The following UTP4 variants were observed in gnomAD, a reference collection of about 807,000 sequenced individuals.
UTP4 encodes the protein UTP4 small subunit processome component.
In UTP4, 45 loss-of-function variants were observed where a neutral mutation model predicts 82.4. That is an observed-to-expected ratio of 0.55 (90% CI 0.43 to 0.70). The LOEUF (loss-of-function observed/expected upper bound fraction) is 0.70, where lower values mean the gene tolerates loss of function less well. Ranked by LOEUF, UTP4 falls within the 30% of genes least tolerant of loss-of-function variation. UTP4 has a pLI of 0.00. For synonymous variants in UTP4, 348 were observed against 300.3 expected, an observed-to-expected ratio of 1.16 and a Z score of -1.64; for missense variants, 819 against 858.3, an observed-to-expected ratio of 0.95 and a Z score of 0.57.
chr16:69,156,031 A>C, intron 11 of UTP4, 38 bp downstream of exon 11: 2 of 1,607,906 alleles, frequency 1.2e-6, no homozygotes, highest in Non-Finnish European at 1.7e-6. Flanking sequence ...ATAAGAGGAA[A>C]CTTCCTAAAT....
intron 12 of UTP4, among the ~76,000 whole-genome samples, chr16:69,159,470 A>G (rs957369767): frequency 3.3e-5 from 5 of 152,158 alleles, no homozygotes; most frequent in African/African-American, 9.6e-5. Flanking sequence ...TGGGCAGATC[A>G]TAAGGTCAAG....
chr16:69,168,426 A>ACGCT (rs71268476), intron 16 of UTP4, among the ~76,000 whole-genome samples: 5 of 131,338 alleles, frequency 3.8e-5, no homozygotes, highest in African/African-American at 1.5e-4. Context: ...GCAGAGCGAG[A>ACGCT]CTGTCTCAAA....
chr16:69,149,174 G>C lies in UTP4; in HGVS notation c.739-1363G>C, dbSNP rs190371352. On this transcript the variant is annotated intron_variant, in intron 6 of 16. Transcript: ENST00000314423. ...GGAGGGTATATCCCCTAGGTCAGGAGTTTGAGACCAGCCTGGACAACATGG... is the reference window on the plus strand; with the variant it reads ...GGAGGGTATATCCCCTAGGTCAGGACTTTGAGACCAGCCTGGACAACATGG... Among the ~76,000 whole-genome samples the C allele has an allele frequency of 8.1e-3, 1,232 of 152,112 alleles. 12 individuals carry two copies. The highest frequency in any genetic ancestry group is 0.012 in the Non-Finnish European group (846 of 67,986).
chr16:69,147,707 T>C (rs1038823078), intron 6 of UTP4, among the ~76,000 whole-genome samples: 2 of 152,174 alleles, frequency 1.3e-5, no homozygotes, highest in African/African-American at 2.4e-5. Context: ...TGCATTTATG[T>C]TTCATACGTC....
intron 4 of UTP4, 185 bp downstream of exon 4, chr16:69,138,070 G>C (rs1468489692): frequency 1.7e-6 from 1 of 584,266 alleles, no homozygotes; most frequent in Non-Finnish European, 3.0e-6. Context: ...AGTTGTGACT[G>C]CTTGGTTAAG....
Position 69,167,061 on chromosome 16 carries a change from CTT to C in UTP4, c.1834-12_1834-11del, listed in dbSNP as rs756980526. The C allele has an allele frequency of 8.3e-6, 13 of 1,572,634 alleles. No individual in the cohort carries two copies. The highest frequency in any genetic ancestry group is 1.7e-4 in the Middle Eastern group (1 of 5,992). ...AAAAGTAACCATTTAAACAATGTGT[CTT>C]TGTTTTTTTAGCCCCTTCCAAATGA... On this transcript the variant is annotated splice_polypyrimidine_tract_variant and intron_variant, in intron 15 of 16. Coordinates refer to ENST00000314423, the MANE Select transcript of UTP4 (RefSeq NM_032830.3).
chr16:69,166,857 T>A, intron 15 of UTP4: 1 of 567,596 alleles, frequency 1.8e-6, no homozygotes. Context: ...TTCAGCTCTT[T>A]CTCCCTCTCT....
At chr16:69,161,040 G>A (rs916020945) in intron 13 of UTP4, among the ~76,000 whole-genome samples, 2 of 152,170 alleles carry the variant, frequency 1.3e-5, no homozygotes, top group East Asian at 3.8e-4. Flanking sequence ...TGAAATTAAT[G>A]ATCTGTGGGT....
At chr16:69,164,046 G>A (rs569315551) in intron 14 of UTP4, among the ~76,000 whole-genome samples, 49 of 151,872 alleles carry the variant, frequency 3.2e-4, no homozygotes, top group Non-Finnish European at 2.6e-4. Context: ...CACCATGCCC[G>A]GCTAATTTTT....
intron 12 of UTP4, among the ~76,000 whole-genome samples, chr16:69,159,750 G>T (rs1027058190): frequency 6.6e-6 from 1 of 152,180 alleles, no homozygotes; most frequent in African/African-American, 2.4e-5. Context: ...CACTTTGGGA[G>T]GCCAAGGTGG....
intron 14 of UTP4, among the ~76,000 whole-genome samples, chr16:69,164,592 A>G (rs1208597732): frequency 1.7e-5 from 2 of 119,402 alleles, no homozygotes; most frequent in Non-Finnish European, 1.9e-5. Flanking sequence ...TTCTTTATAT[A>G]TATATATATA....
Position 69,137,969 on chromosome 16 carries a change from T to G in UTP4, c.436+84T>G, listed in dbSNP as rs188755247. 1.3e-3 allele frequency: 1,091 copies of G among 862,736 alleles called. 9 individuals carry two copies. The East Asian group carries it at 0.024, about 19-fold the overall frequency. The allele number at this position is 862,736 out of a possible 1,614,324, so 53.4% of individuals were successfully genotyped here. A position where few individuals can be genotyped will look rare whatever the true frequency, so the allele number is the denominator to read the frequency against. On this transcript the variant is annotated intron_variant, in intron 4 of 16. Coordinates refer to ENST00000314423, the MANE Select transcript of UTP4 (RefSeq NM_032830.3). ...CCACTGGGGATGGGATATTTTCCCA[T>G]GAATCCAGGTAATATTTTATCTCTA... is the stretch of plus-strand genomic sequence containing the variant.
intron 5 of UTP4, among the ~76,000 whole-genome samples, chr16:69,141,176 C>G (rs921260982): frequency 6.6e-6 from 1 of 152,214 alleles, no homozygotes; most frequent in Admixed American, 6.5e-5. Context: ...CTGACCCACT[C>G]CCATCTGGCT....
At chr16:69,165,686 T>C (rs1963685321) in intron 15 of UTP4, 160 bp downstream of exon 15, 2 of 719,662 alleles carry the variant, frequency 2.8e-6, no homozygotes, top group Non-Finnish European at 4.9e-6. Context: ...GGGCTTTTGT[T>C]TTACAGATTC....
At chr16:69,167,955 GGTGA>G (rs1051867871) in intron 16 of UTP4, 2 of 152,086 alleles carry the variant, frequency 1.3e-5, no homozygotes, top group Non-Finnish European at 2.9e-5. Flanking sequence ...TCAAGGCTGC[GGTGA>G]GTATGATTGC....
chr16:69,165,705 G>C, intron 15 of UTP4, 179 bp downstream of exon 15: 1 of 688,084 alleles, frequency 1.5e-6, no homozygotes, highest in Admixed American at 2.1e-5. Flanking sequence ...TCCCTGGTTT[G>C]TGTTCCCACA....
At position 69,169,015 on chromosome 16, in the gene UTP4, T is replaced by C. The variant is rs1963774561; in HGVS notation, c.*78T>C. ...CAAATCATGGTAATAAAACAAGTTA[T>C]TCTTGAGGACTAGTCATTATAAATG... On this transcript the variant is annotated 3_prime_UTR_variant, in exon 17 of 17. Coordinates refer to ENST00000314423, the MANE Select transcript of UTP4 (RefSeq NM_032830.3). The C allele has an allele frequency of 5.7e-6, 5 of 882,206 alleles. No individual in the cohort carries two copies. The East Asian group carries it at 1.2e-4, about 21-fold the overall frequency. 54.6% of individuals were successfully genotyped at this position (882,206 alleles called of 1,614,324 possible).
intron 16 of UTP4, among the ~76,000 whole-genome samples, chr16:69,168,415 G>T: frequency 7.4e-6 from 1 of 136,016 alleles, no homozygotes; most frequent in Non-Finnish European, 1.5e-5. Flanking sequence ...CAGCCTGGGC[G>T]GCAGAGCGAG....
intron 6 of UTP4, among the ~76,000 whole-genome samples, chr16:69,144,180 G>A (rs945633514): frequency 1.4e-5 from 2 of 147,694 alleles, no homozygotes; most frequent in Admixed American, 1.4e-4. Flanking sequence ...GAGCCACTGT[G>A]CCTGGCCTAT....
Sources: allele counts gnomAD v4.1 joint callset (sites outside exome capture counted in the v4.1 genomes callset), GRCh38; gene constraint gnomAD v4.1.1; transcripts MANE v1.5; gene names NCBI Gene and HGNC (gene_info 2026-07-23, HGNC 2026-07-21).